EYA1: variants seen among roughly 807,000 people sequenced by gnomAD.
EYA1 encodes the protein protein phosphatase EYA1.
A neutral mutation model predicts 82.0 loss-of-function variants in EYA1; 16 were observed. The ratio of observed to expected loss-of-function variants is 0.20; its 90% confidence interval spans 0.13 to 0.30. The LOEUF is 0.30. EYA1 is among the 10% of genes least tolerant of loss of function. The pLI is 1.00. For synonymous variants in EYA1, 261 were observed against 264.4 expected (o/e 0.99, Z 0.12); for missense variants, 633 against 730.7 (o/e 0.87, Z 1.54).
At chr8:71,385,361 A>G (rs1828918425) in intron 2 of EYA1, among the ~76,000 whole-genome samples, 1 of 152,136 alleles carries the variant, frequency 6.6e-6, no homozygotes, top group East Asian at 1.9e-4. Context: ...TAACCCTAAA[A>G]GAATAAATGA....
chr8:71,441,440 A>T (rs1304839839), intron 2 of EYA1, among the ~76,000 whole-genome samples: 1 of 151,990 alleles, frequency 6.6e-6, no homozygotes, highest in Non-Finnish European at 1.5e-5. Context: ...AACCAAAAAA[A>T]CTCACCCCAA....
At chr8:71,486,619 G>A (rs572045381) in intron 2 of EYA1, among the ~76,000 whole-genome samples, 4 of 152,140 alleles carry the variant, frequency 2.6e-5, no homozygotes, top group Non-Finnish European at 5.9e-5. Flanking sequence ...GATCCTATTC[G>A]GTTCCCACCC....
At chr8:71,206,085 CTTATATAG>C (rs1354506101) in intron 17 of EYA1, among the ~76,000 whole-genome samples, 5 of 152,172 alleles carry the variant, frequency 3.3e-5, no homozygotes, top group South Asian at 4.2e-4. Context: ...AAAGAAGACA[CTTATATAG>C]TTATATCTAA....
chr8:71,319,102 A>C (rs1822236902), intron 6 of EYA1, among the ~76,000 whole-genome samples: 1 of 149,696 alleles, frequency 6.7e-6, no homozygotes, highest in Non-Finnish European at 1.5e-5. Flanking sequence ...TCCAGCCTTC[A>C]CCTATACCAA....
intron 2 of EYA1, among the ~76,000 whole-genome samples, chr8:71,495,020 C>T (rs1410528823): frequency 1.3e-5 from 2 of 151,838 alleles, no homozygotes; most frequent in East Asian, 1.9e-4. Context: ...GAAGATACCA[C>T]ATTGCAAAAC....
At chr8:71,266,405 C>G (rs909086175) in intron 11 of EYA1, among the ~76,000 whole-genome samples, 1 of 152,102 alleles carries the variant, frequency 6.6e-6, no homozygotes, top group Non-Finnish European at 1.5e-5. Context: ...CACATTTTTA[C>G]AAAGCTTGAT....
At chr8:71,469,450 A>T (rs541224346) in intron 2 of EYA1, among the ~76,000 whole-genome samples, 81 of 152,050 alleles carry the variant, frequency 5.3e-4, no homozygotes, top group Non-Finnish European at 1.0e-3. Flanking sequence ...TGTTGTGAGG[A>T]TCAAATGAAA....
intron 11 of EYA1, among the ~76,000 whole-genome samples, chr8:71,250,326 G>C (rs946705568): frequency 1.3e-5 from 2 of 152,142 alleles, no homozygotes; most frequent in Admixed American, 6.5e-5. Context: ...GTCCACACAG[G>C]TTCATGAACC....
chr8:71,509,928 A>T (rs1423936308), intron 2 of EYA1, among the ~76,000 whole-genome samples: 1 of 152,058 alleles, frequency 6.6e-6, no homozygotes, highest in East Asian at 1.9e-4. Context: ...TGCTATGGGA[A>T]TTCAGAAGCA....
At chr8:71,372,655 A>T (rs535140309) in intron 2 of EYA1, among the ~76,000 whole-genome samples, 1 of 152,266 alleles carries the variant, frequency 6.6e-6, no homozygotes, top group South Asian at 2.1e-4. Flanking sequence ...AAGATGAGGG[A>T]ATTGATACAA....
intron 11 of EYA1, among the ~76,000 whole-genome samples, chr8:71,248,271 G>A (rs1184055956): frequency 6.6e-6 from 1 of 152,184 alleles, no homozygotes; most frequent in Non-Finnish European, 1.5e-5. Context: ...GAACAGTCTG[G>A]CAGCTAACTG....
chr8:71,469,678 G>A lies in EYA1; in HGVS notation c.33+66066C>T, dbSNP rs150920513. On this transcript the variant is annotated intron_variant, in intron 2 of 18. Coordinates refer to the EYA1 transcript ENST00000643681. The stretch of plus-strand genomic sequence containing the variant: ...GGACTTAGGTGAATGCCCATTAGGT[G>A]CATCCCAGACTCACAGAGATTTCTC... 3.6e-3 allele frequency among the ~76,000 whole-genome samples: 548 copies of A among 152,144 alleles called. 2 individuals carry two copies. The highest frequency in any genetic ancestry group is 5.1e-3 in the Non-Finnish European group (348 of 67,960).
At chr8:71,200,023 T>C (rs750707773) in intron 17 of EYA1, 1 of 159,172 alleles carries the variant, frequency 6.3e-6, no homozygotes, top group Non-Finnish European at 1.4e-5. Flanking sequence ...TCTAAAAATC[T>C]AGTTTAAGAA....
intron 1 of EYA1, chr8:71,547,824 G>A (rs566883758): frequency 6.6e-6 from 1 of 150,910 alleles, no homozygotes; most frequent in Non-Finnish European, 1.5e-5. Context: ...AGCGGGCGCG[G>A]GGGACCCTGG....
At chr8:71,280,912 C>T (rs558943628) in intron 9 of EYA1, among the ~76,000 whole-genome samples, 1 of 150,806 alleles carries the variant, frequency 6.6e-6, no homozygotes, top group African/African-American at 2.4e-5. Context: ...CCATCCCCAG[C>T]TAATTTTTAA....
chr8:71,471,335 C>A (rs1279951671), intron 2 of EYA1, among the ~76,000 whole-genome samples: 1 of 151,888 alleles, frequency 6.6e-6, no homozygotes, highest in East Asian at 1.9e-4. Flanking sequence ...GTTATAAATT[C>A]TATACAAAGA....
chr8:71,274,686 T>C (rs572536994), intron 9 of EYA1, among the ~76,000 whole-genome samples: 75 of 152,218 alleles, frequency 4.9e-4, no homozygotes, highest in African/African-American at 1.7e-3. Context: ...AATTACAAAG[T>C]AATGTGGAAA....
chr8:71,462,138 C>G (rs1010763781), intron 2 of EYA1, among the ~76,000 whole-genome samples: 1 of 152,056 alleles, frequency 6.6e-6, no homozygotes, highest in Non-Finnish European at 1.5e-5. Flanking sequence ...GGGGACCCAC[C>G]GCTTCTGCTC....
intron 2 of EYA1, among the ~76,000 whole-genome samples, chr8:71,432,037 T>C (rs1386518410): frequency 1.3e-5 from 2 of 152,174 alleles, no homozygotes; most frequent in Non-Finnish European, 2.9e-5. Flanking sequence ...TTACACAAGA[T>C]TTTCAAGATT....
Sources: allele counts gnomAD v4.1 joint callset (sites outside exome capture counted in the v4.1 genomes callset), GRCh38; gene constraint gnomAD v4.1.1; transcripts MANE v1.5; gene names NCBI Gene and HGNC (gene_info 2026-07-23, HGNC 2026-07-21).